The following NUP205 variants were observed in gnomAD, a reference collection of about 807,000 sequenced individuals.
The protein encoded by NUP205 is nuclear pore complex protein Nup205.
A neutral mutation model predicts 253.8 loss-of-function variants in NUP205; 76 were observed. That is an observed-to-expected ratio of 0.30 (90% CI 0.25 to 0.36). NUP205 has a LOEUF of 0.36. Among genes scored for constraint, NUP205 ranks in the 10% least tolerant of loss-of-function variants. The pLI is 1.00. For missense variants in NUP205, 2,162 were observed against 2,425.5 expected (o/e 0.89, Z 2.28); for synonymous variants, 832 against 850.1 (o/e 0.98, Z 0.37).
chr7:135,629,576 G>T (rs1174229416), intron 34 of NUP205, among the ~76,000 whole-genome samples: 2 of 150,484 alleles, frequency 1.3e-5, no homozygotes, highest in Non-Finnish European at 2.9e-5. Flanking sequence ...ACCCAGGCTG[G>T]AGTGCAGTGG....
At chr7:135,644,730 A>G (rs945442639) in intron 39 of NUP205, among the ~76,000 whole-genome samples, 165 bp from the exon 40 acceptor site, 5 of 152,188 alleles carry the variant, frequency 3.3e-5, no homozygotes, top group Non-Finnish European at 2.9e-5. Flanking sequence ...TTTGGCTGTA[A>G]TTTTTAAAAA....
At chr7:135,585,665 CCA>C (rs1806441103) in intron 8 of NUP205, among the ~76,000 whole-genome samples, 1 of 151,868 alleles carries the variant, frequency 6.6e-6, no homozygotes, top group African/African-American at 2.4e-5. Context: ...GATTCTCCTG[CCA>C]CAGTCTCCCA....
intron 12 of NUP205, among the ~76,000 whole-genome samples, chr7:135,594,343 TC>T (rs1281458217): frequency 6.6e-6 from 1 of 152,220 alleles, no homozygotes; most frequent in East Asian, 1.9e-4. Flanking sequence ...AGTCTATATC[TC>T]CTCCAGTTTT....
intron 21 of NUP205, 53 bp downstream of exon 21, chr7:135,606,968 G>T (rs375997506): frequency 6.5e-7 from 1 of 1,527,304 alleles, no homozygotes; most frequent in Non-Finnish European, 9.0e-7. Context: ...GTGTATCTCA[G>T]GGGTCACTGA....
At chr7:135,578,495 T>G (rs1806215583) in intron 6 of NUP205, among the ~76,000 whole-genome samples, 1 of 152,234 alleles carries the variant, frequency 6.6e-6, no homozygotes, top group Non-Finnish European at 1.5e-5. Context: ...TTTTTCTTGT[T>G]TATTTGTAGT....
At chr7:135,642,988 C>T (rs1794942788) in intron 38 of NUP205, among the ~76,000 whole-genome samples, 1 of 152,020 alleles carries the variant, frequency 6.6e-6, no homozygotes, top group African/African-American at 2.4e-5. Flanking sequence ...GATTTCCAGC[C>T]TTATGTATGT....
At chr7:135,572,103 C>G (rs1806012680) in intron 2 of NUP205, among the ~76,000 whole-genome samples, 1 of 152,124 alleles carries the variant, frequency 6.6e-6, no homozygotes, top group African/African-American at 2.4e-5. Context: ...AGGTGATCTT[C>G]CTGCCTTGGT....
chr7:135,591,581 A>G lies in NUP205; in HGVS notation c.1605A>G (p.Lys535=). ...QCAHYCFSLL[K]VNGSSHVENI... The stretch of plus-strand genomic sequence containing the variant: ...CCCACTACTGTTTCAGCCTGCTCAA[A>G]GTCAATGGTAGTAGTCATGGTAAGG... Residue 535 remains lysine (K), a synonymous_variant, in exon 11 of 43, where the codon AAA becomes AAG. Coordinates refer to ENST00000285968, the MANE Select transcript of NUP205 (RefSeq NM_015135.3). The G allele has an allele frequency of 1.9e-6, 3 of 1,612,690 alleles. No homozygotes were observed. Among genetic ancestry groups the G allele is most frequent in the Non-Finnish European group, 2.5e-6 (3 of 1,179,738 alleles).
At chr7:135,617,318 G>T in intron 26 of NUP205, 71 bp downstream of exon 26, 1 of 1,392,010 alleles carries the variant, frequency 7.2e-7, no homozygotes, top group Non-Finnish European at 9.9e-7. Context: ...GAAACAAATA[G>T]AACCATATAG....
chr7:135,630,781 C>G (rs549013534), intron 35 of NUP205, among the ~76,000 whole-genome samples: 1 of 151,930 alleles, frequency 6.6e-6, no homozygotes, highest in South Asian at 2.1e-4. Flanking sequence ...TAAAAATTAG[C>G]TGGGTGTTGG....
intron 5 of NUP205, among the ~76,000 whole-genome samples, chr7:135,577,415 A>C (rs920171383): frequency 6.6e-6 from 1 of 152,216 alleles, no homozygotes; most frequent in Admixed American, 6.5e-5. Flanking sequence ...AACATTCAAA[A>C]TTCACTGTAC....
Position 135,630,289 on chromosome 7 carries a change from A to G in NUP205, c.4933-55A>G, listed in dbSNP as rs1274467773. ...TATAAAATGAATTATGCATTTATATATAATTTTCTACTTCTACCTGTTTTT... is the reference window on the plus strand; with the variant it reads ...TATAAAATGAATTATGCATTTATATGTAATTTTCTACTTCTACCTGTTTTT... On this transcript the variant is annotated intron_variant, in intron 34 of 42. Transcript: ENST00000285968. 6.6e-6 allele frequency: 9 copies of G among 1,353,998 alleles called. No individual in the cohort carries two copies. The East Asian group carries it at 2.3e-4, about 35-fold the overall frequency. The allele number at this position is 1,353,998 out of a possible 1,614,324, so 83.9% of individuals were successfully genotyped here. A position where few individuals can be genotyped will look rare whatever the true frequency, so the allele number is the denominator to read the frequency against.
chr7:135,636,698 T>C (rs1387343602), intron 36 of NUP205, among the ~76,000 whole-genome samples: 1 of 152,224 alleles, frequency 6.6e-6, no homozygotes, highest in South Asian at 2.1e-4. Flanking sequence ...CTCATTAATA[T>C]GTTTTGCCTT....
intron 22 of NUP205, 68 bp from the exon 23 acceptor site, chr7:135,614,091 T>C: frequency 1.1e-6 from 1 of 878,644 alleles, no homozygotes; most frequent in Non-Finnish European, 1.8e-6. Flanking sequence ...TAAGTTCATA[T>C]TTTGTTACCA....
chr7:135,557,952 C>T lies in NUP205; in HGVS notation c.8C>T (p.Thr3Met), dbSNP rs767572101. ...TGTTAGTGCGCCTCTAAGATGGCGA[C>T]GCCTTTGGCGGTAAATTCGGGTAAG... MA[T>M]PLAVNSAASL... The change falls in exon 1 of 43, where the codon ACG becomes ATG. Residue 3 changes from threonine to methionine, a missense_variant. Physicochemically the swap from Thr to Met is moderately conservative, Grantham distance 81. Transcript: ENST00000285968. 7.4e-6 allele frequency: 12 copies of T among 1,613,612 alleles called. No homozygotes were observed. Among genetic ancestry groups the T allele is most frequent in the Admixed American group, 6.7e-5 (4 of 59,994 alleles).
chr7:135,584,292 T>C (rs1329324281), intron 7 of NUP205, among the ~76,000 whole-genome samples: 1 of 152,202 alleles, frequency 6.6e-6, no homozygotes, highest in African/African-American at 2.4e-5. Context: ...ATTATACTTA[T>C]TTTTAGATAT....
At chr7:135,596,139 G>C (rs1320109035) in intron 13 of NUP205, among the ~76,000 whole-genome samples, 2 of 152,064 alleles carry the variant, frequency 1.3e-5, no homozygotes, top group East Asian at 3.9e-4. Context: ...TCTCCATGTT[G>C]GTCAGGCTGG....
chr7:135,570,691 AATATAATTAATTATATT>A (rs1805941070), intron 1 of NUP205, among the ~76,000 whole-genome samples: 1 of 73,350 alleles, frequency 1.4e-5, no homozygotes, highest in Admixed American at 2.8e-4. Flanking sequence ...TAATTATATT[AATATAATTAATTATATT>A]AATATAATTA....
chr7:135,634,312 T>G (rs905153318), intron 35 of NUP205, among the ~76,000 whole-genome samples: 1 of 152,194 alleles, frequency 6.6e-6, no homozygotes, highest in Non-Finnish European at 1.5e-5. Context: ...CAGAAAGATC[T>G]TACGGAACCT....
Sources: allele counts gnomAD v4.1 joint callset (sites outside exome capture counted in the v4.1 genomes callset), GRCh38; gene constraint gnomAD v4.1.1; transcripts MANE v1.5; gene names NCBI Gene and HGNC (gene_info 2026-07-23, HGNC 2026-07-21).